Variants in MIPOL1 observed in about 807,000 individuals in gnomAD.
The protein encoded by MIPOL1 is mirror-image polydactyly gene 1 protein.
MIPOL1 carries 57 observed loss-of-function variants against 60.9 expected under a neutral mutation model. The observed-to-expected ratio is 0.94, with a 90% confidence interval of 0.76 to 1.17. The LOEUF (loss-of-function observed/expected upper bound fraction) is 1.17. Among genes scored for constraint, MIPOL1 ranks in the 50% most tolerant of loss-of-function variants. The pLI is 0.00. For synonymous variants in MIPOL1, 179 were observed against 168.8 expected (o/e 1.06, Z -0.47); for missense variants, 551 against 511.6 (o/e 1.08, Z -0.74).
intron 7 of MIPOL1, among the ~76,000 whole-genome samples, chr14:37,305,067 T>A (rs371669893): frequency 3.3e-5 from 5 of 151,942 alleles, no homozygotes; most frequent in African/African-American, 1.2e-4. Context: ...TTCCCCAAAG[T>A]CATTTTAAAT....
intron 10 of MIPOL1, among the ~76,000 whole-genome samples, chr14:37,410,351 G>A (rs2093661578): frequency 6.6e-6 from 1 of 151,810 alleles, no homozygotes; most frequent in Admixed American, 6.6e-5. Flanking sequence ...AAAACTTAAA[G>A]TATAATAATA....
At chr14:37,280,772 C>T (rs1177280916) in intron 6 of MIPOL1, among the ~76,000 whole-genome samples, 1 of 152,178 alleles carries the variant, frequency 6.6e-6, no homozygotes, top group Non-Finnish European at 1.5e-5. Context: ...GATTCTCATG[C>T]CTCAGCCTCC....
chr14:37,378,867 C>G (rs1366913296), intron 10 of MIPOL1, among the ~76,000 whole-genome samples: 2 of 151,972 alleles, frequency 1.3e-5, no homozygotes, highest in African/African-American at 4.8e-5. Flanking sequence ...GGCACTAAGA[C>G]TATATGATTT....
chr14:37,369,479 T>A, intron 9 of MIPOL1, 38 bp from the exon 10 acceptor site: 1 of 1,479,072 alleles, frequency 6.8e-7, no homozygotes, highest in Admixed American at 1.7e-5. Context: ...AAAAATGCTA[T>A]AACTCCTTTA....
At chr14:37,483,627 C>T (rs938683595) in intron 11 of MIPOL1, among the ~76,000 whole-genome samples, 2 of 151,788 alleles carry the variant, frequency 1.3e-5, no homozygotes, top group Non-Finnish European at 2.9e-5. Flanking sequence ...GGATATTTAC[C>T]CAAAAGATTT....
chr14:37,244,512 C>T (rs190313039), intron 1 of MIPOL1, among the ~76,000 whole-genome samples: 27 of 151,862 alleles, frequency 1.8e-4, no homozygotes, highest in African/African-American at 5.8e-4. Context: ...ATTTTAACAG[C>T]TGCTCATATA....
chr14:37,493,084 GAAT>G (rs1347896452), intron 11 of MIPOL1, among the ~76,000 whole-genome samples: 2 of 152,212 alleles, frequency 1.3e-5, no homozygotes, highest in South Asian at 2.1e-4. Context: ...AGCATAAACA[GAAT>G]AATAAGTGCA....
At chr14:37,418,613 G>A (rs1015786372) in intron 10 of MIPOL1, among the ~76,000 whole-genome samples, 3 of 152,002 alleles carry the variant, frequency 2.0e-5, no homozygotes, top group Non-Finnish European at 4.4e-5. Context: ...TATGTATTTT[G>A]GAACAAATGG....
chr14:37,310,037 C>T (rs1177449099), intron 9 of MIPOL1, among the ~76,000 whole-genome samples: 1 of 151,944 alleles, frequency 6.6e-6, no homozygotes, highest in Non-Finnish European at 1.5e-5. Flanking sequence ...CTCTCAAACC[C>T]CTTATGTCCT....
At chr14:37,480,595 A>C (rs1414375493) in intron 11 of MIPOL1, among the ~76,000 whole-genome samples, 1 of 152,156 alleles carries the variant, frequency 6.6e-6, no homozygotes, top group Non-Finnish European at 1.5e-5. Flanking sequence ...CCCACAGCTA[A>C]CATTACACTC....
chr14:37,516,394 T>C (rs2095369454), intron 12 of MIPOL1, among the ~76,000 whole-genome samples: 1 of 152,216 alleles, frequency 6.6e-6, no homozygotes, highest in Non-Finnish European at 1.5e-5. Context: ...ATATTTATGC[T>C]CAATAATTTC....
intron 11 of MIPOL1, among the ~76,000 whole-genome samples, chr14:37,473,595 A>G (rs2094721881): frequency 6.6e-6 from 1 of 152,104 alleles, no homozygotes; most frequent in Non-Finnish European, 1.5e-5. Flanking sequence ...CTTTATTAGA[A>G]CAGTTTAGAC....
At chr14:37,339,463 G>A (rs2090420626) in intron 9 of MIPOL1, among the ~76,000 whole-genome samples, 1 of 152,044 alleles carries the variant, frequency 6.6e-6, no homozygotes, top group African/African-American at 2.4e-5. Flanking sequence ...TCTTTACCTT[G>A]GAAAAATGAA....
chr14:37,518,807 G>A (rs1445190459), intron 12 of MIPOL1, among the ~76,000 whole-genome samples: 1 of 152,042 alleles, frequency 6.6e-6, no homozygotes, highest in African/African-American at 2.4e-5. Context: ...ATGTCTTCTT[G>A]TGCCAAGAAA....
intron 1 of MIPOL1, among the ~76,000 whole-genome samples, chr14:37,206,536 C>A (rs2139203345): frequency 6.6e-6 from 1 of 152,332 alleles, no homozygotes; most frequent in Non-Finnish European, 1.5e-5. Context: ...CCTACTGGAG[C>A]ACTGCCTAGT....
chr14:37,416,774 C>A (rs1056613856), intron 10 of MIPOL1, among the ~76,000 whole-genome samples: 6 of 152,112 alleles, frequency 3.9e-5, no homozygotes, highest in Non-Finnish European at 7.4e-5. Flanking sequence ...AACAGCAAGA[C>A]CTCTCAGGGA....
chr14:37,552,107 G>A (rs1047124348), downstream of MIPOL1: 30 of 152,136 alleles, frequency 2.0e-4, no homozygotes, highest in African/African-American at 7.0e-4. Context: ...TTACAGCTTA[G>A]AGTACATGAC....
At chr14:37,535,370 A>G (rs2095501366) in intron 12 of MIPOL1, among the ~76,000 whole-genome samples, 1 of 152,198 alleles carries the variant, frequency 6.6e-6, no homozygotes, top group African/African-American at 2.4e-5. Context: ...TCTCAACAAT[A>G]AATCCAAGTT....
intron 11 of MIPOL1, among the ~76,000 whole-genome samples, chr14:37,456,063 G>C (rs1202437828): frequency 6.6e-6 from 1 of 151,516 alleles, no homozygotes; most frequent in Non-Finnish European, 1.5e-5. Flanking sequence ...TAGAATCCTT[G>C]GTCTTATCAA....
Sources: allele counts gnomAD v4.1 joint callset (sites outside exome capture counted in the v4.1 genomes callset), GRCh38; gene constraint gnomAD v4.1.1; transcripts MANE v1.5; gene names NCBI Gene and HGNC (gene_info 2026-07-23, HGNC 2026-07-21).